Variants in ELP4 observed in about 807,000 individuals in gnomAD.
ELP4 encodes the protein elongator acetyltransferase complex subunit 4.
Under a neutral mutation model 48.9 loss-of-function variants are expected in ELP4, and 51 were observed. The ratio of observed to expected loss-of-function variants is 1.04; its 90% CI spans 0.83 to 1.32. The LOEUF (loss-of-function observed/expected upper bound fraction) is 1.32. Ranked by LOEUF, ELP4 falls within the 40% of genes most tolerant of loss-of-function variation. ELP4 has a pLI of 0.00. For missense variants in ELP4, 519 were observed against 514.6 expected (o/e 1.01, Z -0.08); for synonymous variants, 210 against 189.2 (o/e 1.11, Z -0.90).
intron 3 of ELP4, among the ~76,000 whole-genome samples, chr11:31,585,045 A>T (rs1253189314): frequency 6.6e-6 from 1 of 152,190 alleles, no homozygotes; most frequent in Non-Finnish European, 1.5e-5. Flanking sequence ...TATCAGAGTA[A>T]CAGATATGGA....
At chr11:31,548,308 T>G (rs1054943076) in intron 3 of ELP4, among the ~76,000 whole-genome samples, 5 of 152,092 alleles carry the variant, frequency 3.3e-5, no homozygotes, top group Non-Finnish European at 7.4e-5. Context: ...AAAATCAATG[T>G]ACAAAAATCA....
chr11:31,603,636 A>G (rs1957820067), intron 4 of ELP4, 132 bp from the exon 5 acceptor site: 3 of 702,534 alleles, frequency 4.3e-6, no homozygotes, highest in Non-Finnish European at 4.4e-6. Flanking sequence ...AAATTTACTT[A>G]GTGTATGTAT....
At chr11:31,676,299 C>G (rs1047344854) in intron 9 of ELP4, among the ~76,000 whole-genome samples, 1 of 152,280 alleles carries the variant, frequency 6.6e-6, no homozygotes, top group East Asian at 1.9e-4. Flanking sequence ...TGAGGGTTTC[C>G]TGACTCTTCT....
chr11:31,632,126 G>T, intron 6 of ELP4, 91 bp from the exon 7 acceptor site: 1 of 1,039,232 alleles, frequency 9.6e-7, no homozygotes, highest in African/African-American at 1.6e-5. Flanking sequence ...TTGTCTCCCT[G>T]ATGTTATAAA....
chr11:31,633,309 C>G (rs1391385808), intron 7 of ELP4: 1 of 152,050 alleles, frequency 6.6e-6, no homozygotes, highest in Non-Finnish European at 1.5e-5. Context: ...GTGAATTTAG[C>G]TAGATGCAGT....
At chr11:31,556,217 AC>A (rs1013088763) in intron 3 of ELP4, among the ~76,000 whole-genome samples, 5 of 151,882 alleles carry the variant, frequency 3.3e-5, no homozygotes, top group African/African-American at 1.2e-4. Flanking sequence ...GAAAAATTAC[AC>A]CCCTTAGAAA....
In ELP4 at chr11:31,509,872, C is replaced by T; in HGVS notation, c.88C>T (p.Gln30Ter). ...CAGCAAGAGCAACGTCACCAGTTTCCAGAGGAGGGGTCCTAGAGCCAGCGT... is the reference window on the plus strand; with the variant it reads ...CAGCAAGAGCAACGTCACCAGTTTCTAGAGGAGGGGTCCTAGAGCCAGCGT... ...TASKSNVTSF[Q>*]RRGPRASVTN... Residue 30 changes from glutamine to a stop codon, truncating the protein, a stop_gained, in exon 1 of 10, where the codon CAG (glutamine) becomes TAG (stop). Coordinates refer to ENST00000640961, the MANE Select transcript of ELP4 (RefSeq NM_019040.5). LOFTEE classifies it high-confidence loss of function. 1 of 1,614,186 alleles carries T rather than the reference C, an allele frequency of 6.2e-7. No homozygotes were observed. Among genetic ancestry groups the T allele is most frequent in the Non-Finnish European group, 8.5e-7 (1 of 1,180,042 alleles).
intron 3 of ELP4, among the ~76,000 whole-genome samples, chr11:31,572,763 G>A (rs1957209730): frequency 6.6e-6 from 1 of 152,172 alleles, no homozygotes; most frequent in Non-Finnish European, 1.5e-5. Flanking sequence ...ACTTTGGGAG[G>A]CCAAGGCAGG....
Position 31,565,653 on chromosome 11 carries a change from T to C in ELP4, c.381+25870T>C, listed in dbSNP as rs534917832. Among the ~76,000 whole-genome samples, 92 of 148,698 alleles carry C rather than the reference T, an allele frequency of 6.2e-4. 1 individual carries two copies. Among genetic ancestry groups the C allele is most frequent in the African/African-American group, 2.3e-3 (89 of 38,908 alleles). On this transcript the variant is annotated intron_variant, in intron 3 of 9. Transcript: ENST00000640961. Reference sequence around the variant, plus strand: ...AGAATCCTTTCCCCATCTCTTGTTTTTGTCAGGTTTGTGAAAGATCAGATG... The same window carrying C: ...AGAATCCTTTCCCCATCTCTTGTTTCTGTCAGGTTTGTGAAAGATCAGATG...
Position 31,790,097 on chromosome 11 carries a change from CAAAAA to C in ELP4, c.*6592_*6596del, listed in dbSNP as rs1171009926. The C allele has an allele frequency of 0.062, 8,935 of 144,030 alleles. 79 individuals carry two copies. The highest frequency in any genetic ancestry group is 0.093 in the Middle Eastern group (38 of 408). 8.9% of individuals were successfully genotyped at this position (144,030 alleles called of 1,614,324 possible). A position where few individuals can be genotyped will look rare whatever the true frequency, so the allele number is the denominator to read the frequency against. On this transcript the variant is annotated 3_prime_UTR_variant, in exon 10 of 10. Coordinates refer to ENST00000640961, the MANE Select transcript of ELP4 (RefSeq NM_019040.5). ...CATGGAATACAAATTTATAGGTTTA[CAAAAA>C]AAAAAAAAAAAAAAAAAACTAATAC...
intron 3 of ELP4, among the ~76,000 whole-genome samples, chr11:31,569,649 C>T (rs1957164369): frequency 6.6e-6 from 1 of 152,098 alleles, no homozygotes; most frequent in African/African-American, 2.4e-5. Context: ...TCACTTGAAC[C>T]TGGGAGGCGG....
intron 5 of ELP4, among the ~76,000 whole-genome samples, chr11:31,611,695 AT>A (rs1199550097): frequency 1.3e-5 from 2 of 152,234 alleles, no homozygotes; most frequent in African/African-American, 4.8e-5. Flanking sequence ...TGAGCCCAGC[AT>A]TATGCTAAGT....
At chr11:31,627,574 T>C (rs1435368824) in intron 6 of ELP4, among the ~76,000 whole-genome samples, 4 of 152,212 alleles carry the variant, frequency 2.6e-5, no homozygotes, top group East Asian at 3.9e-4. Flanking sequence ...AATTACCTTA[T>C]GAGTAAGAAT....
intron 9 of ELP4, among the ~76,000 whole-genome samples, chr11:31,666,078 G>T (rs889566477): frequency 2.3e-5 from 3 of 128,706 alleles, no homozygotes; most frequent in African/African-American, 3.1e-5. Flanking sequence ...ACACAATCTA[G>T]GCTCACTGCA....
chr11:31,654,648 A>T (rs1945389972), intron 9 of ELP4: 1 of 151,818 alleles, frequency 6.6e-6, no homozygotes. Flanking sequence ...AAAAGCATAA[A>T]CTCTTACCAA....
intron 9 of ELP4, among the ~76,000 whole-genome samples, chr11:31,665,474 C>T (rs1945652291): frequency 6.6e-6 from 1 of 152,038 alleles, no homozygotes; most frequent in South Asian, 2.1e-4. Context: ...AGGTTAGCTT[C>T]ACCGTGTGTT....
intron 9 of ELP4, among the ~76,000 whole-genome samples, chr11:31,676,076 A>G (rs1467618414): frequency 6.6e-6 from 1 of 151,920 alleles, no homozygotes; most frequent in East Asian, 1.9e-4. Flanking sequence ...CCAAGACCCT[A>G]CATGACCTGG....
chr11:31,747,242 GA>G (rs1376009599), intron 9 of ELP4, among the ~76,000 whole-genome samples: 3 of 152,040 alleles, frequency 2.0e-5, no homozygotes, highest in Non-Finnish European at 4.4e-5. Context: ...TTAACTTTTG[GA>G]AAAAAAGTTA....
chr11:31,633,123 T>C (rs1265799614), intron 7 of ELP4: 1 of 152,086 alleles, frequency 6.6e-6, no homozygotes, highest in Non-Finnish European at 1.5e-5. Flanking sequence ...TTCCTAGATA[T>C]TCAGTAAATG....
Sources: gnomAD v4.1 joint callset for allele counts (sites outside exome capture counted in the v4.1 genomes callset) on GRCh38, gnomAD v4.1.1 for gene constraint, MANE v1.5 for transcripts, NCBI Gene and HGNC (gene_info 2026-07-23, HGNC 2026-07-21) for gene names.